Variants in EFHC1 observed in about 807,000 individuals in gnomAD.
The protein encoded by EFHC1 is EF-hand domain containing 1, also known as EF-hand domain-containing protein 1.
EFHC1 carries 53 observed loss-of-function variants against 69.9 expected under a neutral mutation model. The observed-to-expected ratio is 0.76, with a 90% CI of 0.61 to 0.95. The LOEUF (loss-of-function observed/expected upper bound fraction) is 0.95, where lower values mean the gene tolerates loss of function less well. Ranked by LOEUF, EFHC1 falls within the 40% of genes least tolerant of loss-of-function variation. The probability of loss-of-function intolerance (pLI) is 0.00; values close to 1 mark genes in which losing one functional copy is unlikely to be tolerated. For synonymous variants in EFHC1, 256 were observed against 278.4 expected, an observed-to-expected ratio of 0.92 and a Z score of 0.80; for missense variants, 739 against 798.7, an observed-to-expected ratio of 0.93 and a Z score of 0.90.
At chr6:52,424,246 C>T in intron 2 of EFHC1, 79 bp downstream of exon 2, 1 of 1,359,328 alleles carries the variant, frequency 7.4e-7, no homozygotes, top group Non-Finnish European at 1.0e-6. Context: ...AAACAGTAAA[C>T]CACAGAATTT....
chr6:52,450,452 A>T (rs1305801448), intron 3 of EFHC1, among the ~76,000 whole-genome samples: 1 of 152,152 alleles, frequency 6.6e-6, no homozygotes, highest in African/African-American at 2.4e-5. Context: ...CTCATTGTAG[A>T]TATCTAAGAA....
intron 5 of EFHC1, among the ~76,000 whole-genome samples, chr6:52,461,297 C>T (rs1352484650): frequency 2.0e-5 from 3 of 152,122 alleles, no homozygotes; most frequent in Non-Finnish European, 4.4e-5. Context: ...ATTTAGCTTC[C>T]ACTTATAATT....
intron 3 of EFHC1, among the ~76,000 whole-genome samples, chr6:52,451,444 GA>G (rs1413156649): frequency 3.3e-5 from 5 of 152,176 alleles, no homozygotes; most frequent in Non-Finnish European, 7.3e-5. Flanking sequence ...TCTTCTTTAA[GA>G]ATGTTGAATA....
intron 5 of EFHC1, among the ~76,000 whole-genome samples, chr6:52,456,543 A>G (rs1376917544): frequency 3.3e-5 from 5 of 152,222 alleles, no homozygotes; most frequent in Non-Finnish European, 7.3e-5. Context: ...ATCCTCTTCT[A>G]TAATTTCCCA....
intron 2 of EFHC1, among the ~76,000 whole-genome samples, chr6:52,432,069 C>T (rs1004254665): frequency 6.6e-6 from 1 of 152,078 alleles, no homozygotes; most frequent in Non-Finnish European, 1.5e-5. Flanking sequence ...CACCCCTTTA[C>T]CTTAAATTTA....
Position 52,420,439 on chromosome 6 carries a change from C to A in EFHC1, c.29C>A (p.Pro10His). The change falls in exon 1 of 11, where the codon CCC becomes CAC. Residue 10 changes from proline to histidine, a missense_variant. Transcript: ENST00000371068. MVSNPVHGLPFLPGTSFKDS... is the reference protein window; with the variant it reads MVSNPVHGLHFLPGTSFKDS... ...GTGTCCAATCCCGTGCATGGCTTGC[C>A]CTTTCTTCCGGGCACGTCCTTTAAG... 1 of 1,614,214 alleles carries A rather than the reference C, an allele frequency of 6.2e-7. No homozygotes were observed. The highest frequency in any genetic ancestry group is 8.5e-7 in the Non-Finnish European group (1 of 1,180,038).
chr6:52,492,240 T>A, intron 10 of EFHC1, 30 bp from the exon 11 acceptor site: 1 of 1,602,500 alleles, frequency 6.2e-7, no homozygotes, highest in Admixed American at 1.7e-5. Flanking sequence ...TGCAGATCTG[T>A]CTCACCTATT....
intron 7 of EFHC1, among the ~76,000 whole-genome samples, chr6:52,474,699 G>A (rs1305489725): frequency 6.6e-6 from 1 of 152,148 alleles, no homozygotes; most frequent in Non-Finnish European, 1.5e-5. Context: ...TAACAACATG[G>A]CTAAATCACA....
In EFHC1 at chr6:52,490,204, C is replaced by A. The variant is rs766088541; in HGVS notation, c.1705C>A (p.Gln569Lys). Residue 569 changes from glutamine (Q) to lysine (K), a missense_variant, in exon 10 of 11, where the codon CAA becomes AAA. Physicochemically the swap from Gln to Lys is moderately conservative, Grantham distance 53. Transcript: ENST00000371068. ...LEALIDTIQK[Q>K]LKDHSCKDNI... is the part of the protein sequence containing the mutation. ...AGCATTAATAGACACAATTCAGAAG[C>A]AACTGAAAGATCACTCATGCAAAGA... The A allele has an allele frequency of 6.2e-6, 10 of 1,614,082 alleles. No individual in the cohort carries two copies. Among genetic ancestry groups the A allele is most frequent in the Non-Finnish European group, 8.5e-6 (10 of 1,179,980 alleles).
intron 3 of EFHC1, among the ~76,000 whole-genome samples, chr6:52,439,615 G>A (rs573112552): frequency 5.3e-4 from 80 of 152,258 alleles, no homozygotes; most frequent in African/African-American, 1.9e-3. Flanking sequence ...TATGTCAGAT[G>A]ATGATAACAG....
intron 3 of EFHC1, among the ~76,000 whole-genome samples, chr6:52,442,399 A>T (rs1182530686): frequency 6.6e-6 from 1 of 151,964 alleles, no homozygotes; most frequent in African/African-American, 2.4e-5. Flanking sequence ...TGTACCCATT[A>T]ATTTGTCATT....
chr6:52,420,382 C>A lies in EFHC1; in HGVS notation c.-29C>A. On this transcript the variant is annotated 5_prime_UTR_variant, in exon 1 of 11. Transcript: ENST00000371068. ...GGCAACCGGAGAGGACGAAGCAGGA[C>A]CTAGGTGGCGGCGGTGGTACCGGCT... 1 of 1,614,186 alleles carries A rather than the reference C, an allele frequency of 6.2e-7. No homozygotes were observed. The highest frequency in any genetic ancestry group is 8.5e-7 in the Non-Finnish European group (1 of 1,179,996).
chr6:52,479,301 T>G, intron 8 of EFHC1, 51 bp downstream of exon 8: 1 of 1,583,262 alleles, frequency 6.3e-7, no homozygotes, highest in Non-Finnish European at 8.7e-7. Context: ...GAATGAGTTC[T>G]TAATTGGAAT....
At chr6:52,466,661 A>C (rs1027721767) in intron 6 of EFHC1, among the ~76,000 whole-genome samples, 4 of 152,206 alleles carry the variant, frequency 2.6e-5, no homozygotes, top group Admixed American at 6.5e-5. Flanking sequence ...GTGCCTAATA[A>C]ATAGGAGGTA....
intron 2 of EFHC1, among the ~76,000 whole-genome samples, chr6:52,432,948 G>A (rs1764447067): frequency 6.6e-6 from 1 of 151,976 alleles, no homozygotes; most frequent in South Asian, 2.1e-4. Context: ...GAGCTCTGAA[G>A]TTCTTTCTTC....
intron 3 of EFHC1, 101 bp from the exon 4 acceptor site, chr6:52,452,584 GAGC>G (rs1764938627): frequency 7.3e-7 from 1 of 1,364,602 alleles, no homozygotes; most frequent in African/African-American, 1.4e-5. Flanking sequence ...TTGTAGGCCT[GAGC>G]CACAGTGCCT....
At chr6:52,477,284 A>G (rs1253505259) in intron 7 of EFHC1, among the ~76,000 whole-genome samples, 2 of 152,220 alleles carry the variant, frequency 1.3e-5, no homozygotes, top group Non-Finnish European at 2.9e-5. Context: ...TTTGGAGACT[A>G]TTAGATGAAG....
chr6:52,479,329 G>GT (rs1344711569), intron 8 of EFHC1, 79 bp downstream of exon 8: 2 of 1,475,932 alleles, frequency 1.4e-6, no homozygotes, highest in East Asian at 2.3e-5. Context: ...ATTTAACCCT[G>GT]TAAGAGGCAA....
Position 52,495,725 on chromosome 6 carries a change from C to T in EFHC1, c.*3384C>T, listed in dbSNP as rs1439880023. ...TGCCTCAGCCTTCTGAGTAGCTAGG[C>T]CTGTAGTCTCAGAGGGAACTGTCTT... On this transcript the variant is annotated 3_prime_UTR_variant, in exon 11 of 11. Coordinates refer to ENST00000371068, the MANE Select transcript of EFHC1 (RefSeq NM_018100.4). The T allele has an allele frequency of 2.5e-6, 1 of 392,628 alleles. No individual in the cohort carries two copies. The highest frequency in any genetic ancestry group is 5.0e-6 in the Non-Finnish European group (1 of 199,244). 24.3% of individuals were successfully genotyped at this position (392,628 alleles called of 1,614,324 possible). A position where few individuals can be genotyped will look rare whatever the true frequency, so the allele number is the denominator to read the frequency against.
Sources: gnomAD v4.1 joint callset for allele counts (sites outside exome capture counted in the v4.1 genomes callset) on GRCh38, gnomAD v4.1.1 for gene constraint, MANE v1.5 for transcripts, NCBI Gene and HGNC (gene_info 2026-07-23, HGNC 2026-07-21) for gene names.